Variants in ASIC2 observed in about 807,000 individuals in gnomAD.
The protein encoded by ASIC2 is acid sensing ion channel subunit 2.
A neutral mutation model predicts 57.3 loss-of-function variants in ASIC2; 25 were observed. The observed-to-expected ratio is 0.44, with a 90% confidence interval of 0.32 to 0.61. The LOEUF is 0.61. ASIC2 is among the 20% of genes least tolerant of loss of function. The probability of loss-of-function intolerance (pLI) is 0.06; values close to 1 mark genes in which losing one functional copy is unlikely to be tolerated. For missense variants in ASIC2, 641 were observed against 738.1 expected (o/e 0.87, Z 1.52); for synonymous variants, 319 against 307.5 (o/e 1.04, Z -0.39).
chr17:33,248,374 T>C (rs1908765712), intron 1 of ASIC2, among the ~76,000 whole-genome samples: 1 of 152,184 alleles, frequency 6.6e-6, no homozygotes, highest in Non-Finnish European at 1.5e-5. Flanking sequence ...CCTGCAGCTT[T>C]TCGTTGAATG....
intron 1 of ASIC2, among the ~76,000 whole-genome samples, chr17:33,382,177 G>A (rs1368139484): frequency 6.6e-6 from 1 of 152,104 alleles, no homozygotes; most frequent in Non-Finnish European, 1.5e-5. Context: ...CTCAGCAGGT[G>A]GGCCTAATTC....
chr17:33,201,799 G>A (rs1433319486), intron 1 of ASIC2, among the ~76,000 whole-genome samples: 1 of 152,060 alleles, frequency 6.6e-6, no homozygotes, highest in Admixed American at 6.5e-5. Context: ...GGAAACTGAG[G>A]CAGGCAGATC....
chr17:33,528,186 G>GTGTGTGTGTGTGTGTGTGTGTGTGTGTGT (rs1567640142), intron 1 of ASIC2, among the ~76,000 whole-genome samples: 13 of 151,738 alleles, frequency 8.6e-5, no homozygotes, highest in East Asian at 5.9e-4. Flanking sequence ...GTGTGTGTGT[G>GTGTGTGTGTGTGTGTGTGTGTGTGTGTGT]GTTTCCAGCT....
intron 1 of ASIC2, among the ~76,000 whole-genome samples, chr17:33,164,576 GCACACACACACA>G (rs35380225): frequency 6.7e-6 from 1 of 149,782 alleles, no homozygotes; most frequent in Admixed American, 6.6e-5. Context: ...GCACATGCAC[GCACACACACACA>G]CACACACACA....
At chr17:34,033,222 A>G (rs931890138) in intron 1 of ASIC2, among the ~76,000 whole-genome samples, 3 of 152,066 alleles carry the variant, frequency 2.0e-5, no homozygotes, top group Admixed American at 6.6e-5. Flanking sequence ...ACTCAAAACC[A>G]CTCAACTACA....
At chr17:33,117,102 C>A (rs544248604) in intron 1 of ASIC2, among the ~76,000 whole-genome samples, 206 of 152,274 alleles carry the variant, frequency 1.4e-3, no homozygotes, top group African/African-American at 4.8e-3. Context: ...AATCATCCCA[C>A]CTTGGCTTCC....
rs148770054 is a variant in ASIC2, at chr17:33,199,002, T to G, written c.709-86935A>C. Among the ~76,000 whole-genome samples, 29 of 152,350 alleles carry G rather than the reference T, an allele frequency of 1.9e-4. No individual in the cohort carries two copies. In the East Asian group the frequency reaches 5.2e-3, roughly 27 times the overall value. On this transcript the variant is annotated intron_variant, in intron 1 of 9. Transcript: ENST00000225823. ...ATTAAACAGCCTTCTGTAGTTTCTCTGATATGCTTATTTTATTTTTCTGGC... is the reference window on the plus strand; with the variant it reads ...ATTAAACAGCCTTCTGTAGTTTCTCGGATATGCTTATTTTATTTTTCTGGC...
intron 1 of ASIC2, among the ~76,000 whole-genome samples, chr17:33,496,665 T>C (rs913932524): frequency 7.6e-6 from 1 of 132,380 alleles, no homozygotes; most frequent in Non-Finnish European, 1.5e-5. Context: ...TCGCCCAGGC[T>C]GGAGTGCAGT....
intron 1 of ASIC2, among the ~76,000 whole-genome samples, chr17:33,162,831 G>A (rs1382968146): frequency 6.6e-6 from 1 of 152,206 alleles, no homozygotes; most frequent in Non-Finnish European, 1.5e-5. Flanking sequence ...CTCCCCTGGA[G>A]GGCAGCTTCT....
intron 1 of ASIC2, among the ~76,000 whole-genome samples, chr17:33,464,768 TTACCTGGA>T (rs979718876): frequency 2.3e-4 from 35 of 149,648 alleles, no homozygotes; most frequent in African/African-American, 8.6e-4. Flanking sequence ...ACTGAGCTCA[TTACCTGGA>T]TACCTGGAAC....
intron 1 of ASIC2, among the ~76,000 whole-genome samples, chr17:33,813,992 T>G (rs1257243865): frequency 1.3e-5 from 2 of 152,040 alleles, no homozygotes; most frequent in African/African-American, 4.8e-5. Context: ...GGGCCCTCAA[T>G]TCTATCCACA....
intron 1 of ASIC2, among the ~76,000 whole-genome samples, chr17:33,546,252 T>C (rs1915575368): frequency 6.6e-6 from 1 of 151,938 alleles, no homozygotes; most frequent in South Asian, 2.1e-4. Context: ...CATATATTCA[T>C]CTTATTCATT....
chr17:33,515,496 T>C (rs1180096894), intron 1 of ASIC2, among the ~76,000 whole-genome samples: 1 of 152,244 alleles, frequency 6.6e-6, no homozygotes, highest in Non-Finnish European at 1.5e-5. Flanking sequence ...AAAATGGAGA[T>C]GAGAATACTC....
intron 1 of ASIC2, among the ~76,000 whole-genome samples, chr17:33,626,624 T>C (rs924533878): frequency 6.6e-6 from 1 of 152,150 alleles, no homozygotes; most frequent in Non-Finnish European, 1.5e-5. Context: ...GATGCCCTAA[T>C]CGAAGCTGTG....
chr17:33,463,750 C>G (rs548489556), intron 1 of ASIC2, among the ~76,000 whole-genome samples: 1 of 152,320 alleles, frequency 6.6e-6, no homozygotes, highest in South Asian at 2.1e-4. Flanking sequence ...GGCTCCCAGC[C>G]CAGTCGATCT....
intron 1 of ASIC2, among the ~76,000 whole-genome samples, chr17:33,358,755 A>G (rs1279201167): frequency 1.3e-5 from 2 of 152,212 alleles, no homozygotes; most frequent in Non-Finnish European, 2.9e-5. Context: ...AAGATCCTTC[A>G]TTTTATAGTA....
intron 2 of ASIC2, among the ~76,000 whole-genome samples, chr17:33,090,462 A>T (rs2092153059): frequency 6.6e-6 from 1 of 152,256 alleles, no homozygotes; most frequent in Admixed American, 6.5e-5. Flanking sequence ...TGGGAGATTT[A>T]TGGGTCAAGC....
intron 1 of ASIC2, among the ~76,000 whole-genome samples, chr17:33,234,146 A>AT (rs34205277): frequency 7.2e-5 from 11 of 152,158 alleles, no homozygotes; most frequent in South Asian, 4.2e-4. Flanking sequence ...GCCTGGAGCG[A>AT]TTTTTTTTCT....
At chr17:33,808,382 A>G (rs1047281176) in intron 1 of ASIC2, among the ~76,000 whole-genome samples, 2 of 152,216 alleles carry the variant, frequency 1.3e-5, no homozygotes, top group Non-Finnish European at 2.9e-5. Context: ...CCATTGATCC[A>G]TTTGTCTATT....
Sources: gnomAD v4.1 joint callset for allele counts (sites outside exome capture counted in the v4.1 genomes callset) on GRCh38, gnomAD v4.1.1 for gene constraint, MANE v1.5 for transcripts, NCBI Gene and HGNC (gene_info 2026-07-23, HGNC 2026-07-21) for gene names.